Variants in PGM1 observed in about 807,000 individuals in gnomAD.
The protein encoded by PGM1 is phosphoglucomutase 1, also known as phosphoglucomutase-1.
A neutral mutation model predicts 55.6 loss-of-function variants in PGM1; 52 were observed. The observed-to-expected ratio is 0.94, with a 90% confidence interval of 0.75 to 1.18. The LOEUF (loss-of-function observed/expected upper bound fraction) is 1.18, where lower values mean the gene tolerates loss of function less well. Ranked by LOEUF, PGM1 falls within the 50% of genes most tolerant of loss-of-function variation. The probability of loss-of-function intolerance (pLI) is 0.00; values close to 1 mark genes in which losing one functional copy is unlikely to be tolerated. For missense variants in PGM1, 724 were observed against 729.3 expected (o/e 0.99, Z 0.08); for synonymous variants, 287 against 271.7 (o/e 1.06, Z -0.55).
chr1:63,652,310 A>G (rs1649831014), intron 9 of PGM1, among the ~76,000 whole-genome samples: 1 of 152,204 alleles, frequency 6.6e-6, no homozygotes, highest in Admixed American at 6.5e-5. Flanking sequence ...TTTCTAAAGG[A>G]GAGAAAAATA....
At chr1:63,636,131 T>C in intron 5 of PGM1, 103 bp from the exon 6 acceptor site, 1 of 1,152,952 alleles carries the variant, frequency 8.7e-7, no homozygotes, top group African/African-American at 1.5e-5. Flanking sequence ...GAGATCAATT[T>C]CAAATTTTAT....
intron 9 of PGM1, 86 bp downstream of exon 9, chr1:63,651,938 T>C: frequency 7.7e-7 from 1 of 1,296,236 alleles, no homozygotes; most frequent in Non-Finnish European, 1.1e-6. Flanking sequence ...AAGTTCCTGT[T>C]GGCTATTTTT....
chr1:63,647,238 G>A (rs1314916542), intron 7 of PGM1, among the ~76,000 whole-genome samples: 30 of 124,826 alleles, frequency 2.4e-4, no homozygotes, highest in Non-Finnish European at 1.9e-4. Flanking sequence ...GCGAAACTCC[G>A]TCTCAAAAAA....
intron 4 of PGM1, among the ~76,000 whole-genome samples, chr1:63,632,612 A>G (rs1570496805): frequency 6.6e-6 from 1 of 152,330 alleles, no homozygotes; most frequent in African/African-American, 2.4e-5. Context: ...CATTCAACAG[A>G]TGTGTATTGC....
chr1:63,638,050 C>A (rs1649408648), intron 6 of PGM1, among the ~76,000 whole-genome samples: 1 of 151,824 alleles, frequency 6.6e-6, no homozygotes, highest in Non-Finnish European at 1.5e-5. Flanking sequence ...TTTAAAGATA[C>A]CTAGAGAGAA....
chr1:63,631,839 C>CTG, intron 4 of PGM1, 57 bp downstream of exon 4: 1 of 1,534,550 alleles, frequency 6.5e-7, no homozygotes, highest in Non-Finnish European at 9.0e-7. Context: ...TTGCCCTCTT[C>CTG]TGTGTGTATC....
At chr1:63,600,509 T>A (rs1188913924) in intron 1 of PGM1, among the ~76,000 whole-genome samples, 1 of 152,198 alleles carries the variant, frequency 6.6e-6, no homozygotes, top group East Asian at 1.9e-4. Context: ...GTTTCTGCTC[T>A]ACAGAGCTGT....
chr1:63,631,916 A>G (rs1363567283), intron 4 of PGM1, 134 bp downstream of exon 4: 7 of 864,760 alleles, frequency 8.1e-6, no homozygotes, highest in Admixed American at 1.9e-5. Context: ...TTTTGCAACC[A>G]GAGCAATATT....
intron 1 of PGM1, among the ~76,000 whole-genome samples, chr1:63,615,796 C>T (rs965103164): frequency 1.3e-5 from 2 of 151,646 alleles, no homozygotes; most frequent in East Asian, 1.9e-4. Flanking sequence ...GTCAGGAGTT[C>T]TCTCCTCTTC....
intron 1 of PGM1, among the ~76,000 whole-genome samples, chr1:63,600,776 T>G (rs762384945): frequency 2.2e-4 from 34 of 152,360 alleles, no homozygotes; most frequent in Non-Finnish European, 3.2e-4. Flanking sequence ...AATCATTTAA[T>G]GTTATAAAAT....
chr1:63,655,140 C>CT (rs61138702), intron 10 of PGM1, among the ~76,000 whole-genome samples: 362 of 142,868 alleles, frequency 2.5e-3, no homozygotes, highest in Non-Finnish European at 2.8e-3. Context: ...TGCTCATTTC[C>CT]TTTTTTTTTT....
At chr1:63,638,569 C>A in intron 6 of PGM1, 116 bp from the exon 7 acceptor site, 1 of 777,844 alleles carries the variant, frequency 1.3e-6, no homozygotes, top group Non-Finnish European at 2.4e-6. Flanking sequence ...TTATGTATGA[C>A]TCTGAGCAAT....
At chr1:63,656,850 G>T (rs889936256) in intron 10 of PGM1, among the ~76,000 whole-genome samples, 3 of 152,074 alleles carry the variant, frequency 2.0e-5, no homozygotes, top group African/African-American at 7.2e-5. Context: ...GAGAGATATT[G>T]GTCCAAAGGG....
At chr1:63,593,763 T>C (rs752331915) in intron 1 of PGM1, 29 bp downstream of exon 1, 15 of 1,566,040 alleles carry the variant, frequency 9.6e-6, no homozygotes, top group South Asian at 2.3e-5. Context: ...CGCGCCGCTG[T>C]GCACCCTGGC....
At chr1:63,634,320 C>T (rs769387425) in intron 4 of PGM1, among the ~76,000 whole-genome samples, 1 of 152,140 alleles carries the variant, frequency 6.6e-6, no homozygotes, top group Admixed American at 6.6e-5. Context: ...TTAATCCTTA[C>T]ATCAATCCTG....
At chr1:63,593,951 G>C (rs1647956011) in intron 1 of PGM1, 2 of 1,208,466 alleles carry the variant, frequency 1.7e-6, no homozygotes, top group Admixed American at 4.7e-5. Flanking sequence ...CGGCAGACCT[G>C]CTCGCCTGAC....
At position 63,638,704 on chromosome 1, in the gene PGM1, A is replaced by T. The variant is rs751121095; in HGVS notation, c.1048A>T (p.Ile350Phe). ...ALDRVASATK[I>F]ALYETPTGWK... ...TTGAAGGGTGGCTAGTGCTACAAAG[A>T]TTGCTTTGTATGAGACCCCAACTGG... Residue 350 changes from isoleucine (I) to phenylalanine (F), a missense_variant, in exon 7 of 11, where the codon ATT becomes TTT. By Grantham distance (21) the Ile-to-Phe change is conservative. Around this residue, in one of 3 missense-constraint regions of PGM1, gnomAD observed 316 missense variants for 313.1 expected, o/e 1.01. Transcript: ENST00000371084. The T allele has an allele frequency of 6.2e-7, 1 of 1,612,494 alleles. No individual in the cohort carries two copies. Among genetic ancestry groups the T allele is most frequent in the East Asian group, 2.2e-5 (1 of 44,868 alleles).
chr1:63,627,140 T>A (rs1330576092), intron 1 of PGM1, among the ~76,000 whole-genome samples: 1 of 149,028 alleles, frequency 6.7e-6, no homozygotes. Context: ...ATCCATTCAC[T>A]TGATGATAGA....
rs140741474 is a variant in PGM1, at chr1:63,627,441, T to C, written c.247-1984T>C. On this transcript the variant is annotated intron_variant, in intron 1 of 10. Transcript: ENST00000371084. ...GCTGTTGCAGTGGTCCAGGCATCTT[T>C]AAGGGAAGGAGGGTAATAGAGCAGT... Among the ~76,000 whole-genome samples, 272 of 152,182 alleles carry C rather than the reference T, an allele frequency of 1.8e-3. 1 individual carries two copies. The highest frequency in any genetic ancestry group is 6.1e-3 in the African/African-American group (254 of 41,540).
Sources: allele counts gnomAD v4.1 joint callset (sites outside exome capture counted in the v4.1 genomes callset), GRCh38; gene constraint gnomAD v4.1.1; regional missense constraint gnomAD v4.1.1; transcripts MANE v1.5; gene names NCBI Gene and HGNC (gene_info 2026-07-23, HGNC 2026-07-21).